The following NOSTRIN variants were observed in gnomAD, a reference collection of about 807,000 sequenced individuals.
The protein encoded by NOSTRIN is nitric oxide synthase trafficking.
In NOSTRIN, 63 loss-of-function variants were observed where a neutral mutation model predicts 59.0. The ratio of observed to expected loss-of-function variants is 1.07; its 90% CI spans 0.87 to 1.32. The LOEUF (loss-of-function observed/expected upper bound fraction) is 1.32. Ranked by LOEUF, NOSTRIN falls within the 40% of genes most tolerant of loss-of-function variation. The probability of loss-of-function intolerance (pLI) is 0.00; values close to 1 mark genes in which losing one functional copy is unlikely to be tolerated. For missense variants in NOSTRIN, 512 were observed against 473.1 expected (o/e 1.08, Z -0.76); for synonymous variants, 200 against 165.4 (o/e 1.21, Z -1.61).
At chr2:168,850,815 C>G (rs751927623) in intron 8 of NOSTRIN, 55 of 778,800 alleles carry the variant, frequency 7.1e-5, no homozygotes, top group African/African-American at 6.3e-4. Flanking sequence ...CTTCTTTTCT[C>G]CCCCTTCCTC....
Position 168,851,138 on chromosome 2 carries a change from C to T in NOSTRIN, c.685C>T (p.Gln229Ter), listed in dbSNP as rs1688741969. 5 of 1,604,212 alleles carry T rather than the reference C, an allele frequency of 3.1e-6. No homozygotes were observed. The highest frequency in any genetic ancestry group is 4.3e-6 in the Non-Finnish European group (5 of 1,170,976). ...RIQLLCNNLN[Q>*]YSQHISLFGQ... ...TCAACTTTTATGCAATAACTTAAAC[C>T]AGTACAGCCAACATATTTCTCTTTT... The change falls in exon 9 of 16, where the codon CAG becomes TAG. Residue 229 changes from glutamine (Q) to a stop codon, truncating the protein, a stop_gained. Transcript: ENST00000317647. LOFTEE classifies it high-confidence loss of function.
chr2:168,786,906 T>G (rs1353796323), intron 1 of NOSTRIN: 2 of 152,154 alleles, frequency 1.3e-5, no homozygotes, highest in Non-Finnish European at 2.9e-5. Flanking sequence ...TTTTTGTATT[T>G]TTAGTAGAGA....
In NOSTRIN at chr2:168,859,622, C is replaced by T; in HGVS notation, c.1164C>T (p.Phe388=). The change falls in exon 13 of 16, where the codon TTC becomes TTT. Residue 388 remains phenylalanine (F), a synonymous_variant. Transcript: ENST00000317647. The part of the protein sequence containing the change: ...QPSHPCSNSI[F]RWREKEHTHS... ...GCCATCCTTGTAGTAATTCCATCTT[C>T]AGGTGGAGGGAAAAGGTAACATTTA... 6.2e-7 allele frequency: 1 copy of T among 1,613,994 alleles called. No individual in the cohort carries two copies.
At chr2:168,798,278 TTGA>T (rs1360289679), upstream of NOSTRIN, 1 of 152,188 alleles carries the variant, frequency 6.6e-6, no homozygotes, top group Non-Finnish European at 1.5e-5. Flanking sequence ...TAGGTCTCAA[TTGA>T]TGATGTTCAT....
chr2:168,788,725 T>G (rs1355952185), intron 2 of NOSTRIN, among the ~76,000 whole-genome samples: 2 of 151,386 alleles, frequency 1.3e-5, no homozygotes, highest in African/African-American at 4.9e-5. Context: ...AAAAGGGAGG[T>G]GTAAATATGG....
At chr2:168,790,101 C>T (rs936854760) in intron 2 of NOSTRIN, among the ~76,000 whole-genome samples, 6 of 152,206 alleles carry the variant, frequency 3.9e-5, no homozygotes, top group Non-Finnish European at 5.9e-5. Flanking sequence ...AGTGCTTTCT[C>T]CAAAGACATC....
chr2:168,791,951 G>A (rs940651409), intron 2 of NOSTRIN, among the ~76,000 whole-genome samples: 1 of 152,100 alleles, frequency 6.6e-6, no homozygotes, highest in Admixed American at 6.6e-5. Flanking sequence ...CACTCTGATG[G>A]TAGTTTCTTT....
intron 1 of NOSTRIN, among the ~76,000 whole-genome samples, chr2:168,805,091 G>A (rs1156991714): frequency 6.6e-6 from 1 of 152,104 alleles, no homozygotes; most frequent in Non-Finnish European, 1.5e-5. Context: ...ACTTAAAAAT[G>A]TTATTCTGAA....
intron 10 of NOSTRIN, among the ~76,000 whole-genome samples, chr2:168,853,205 G>A (rs966111137): frequency 6.6e-6 from 1 of 152,180 alleles, no homozygotes; most frequent in Non-Finnish European, 1.5e-5. Context: ...CAAAATGAGT[G>A]AATAGTATTT....
chr2:168,832,106 C>T (rs371819948), intron 6 of NOSTRIN, among the ~76,000 whole-genome samples: 2 of 151,986 alleles, frequency 1.3e-5, no homozygotes, highest in African/African-American at 2.4e-5. Context: ...AAAGGGGATG[C>T]GTATATCAAT....
chr2:168,818,835 T>TA (rs869116428), intron 2 of NOSTRIN, among the ~76,000 whole-genome samples: 24 of 77,534 alleles, frequency 3.1e-4, no homozygotes, highest in Admixed American at 8.8e-4. Context: ...TTTAGCATAT[T>TA]AAAAAATTTT....
At chr2:168,790,134 C>T (rs1685310573) in intron 2 of NOSTRIN, among the ~76,000 whole-genome samples, 1 of 152,144 alleles carries the variant, frequency 6.6e-6, no homozygotes, top group Admixed American at 6.5e-5. Context: ...GTGTGTTGAA[C>T]CATCATTCAG....
rs188584661 is a variant in NOSTRIN at position 168,854,468 on chromosome 2, C to T, written c.856-884C>T. On this transcript the variant is annotated intron_variant, in intron 10 of 15. Coordinates refer to ENST00000317647, the MANE Select transcript of NOSTRIN (RefSeq NM_001039724.4). ...CTCACTCCAACTCTACCATCCTATT[C>T]TTTTTTATTCAATCCTTGAAATAAT... 9.8e-3 allele frequency among the ~76,000 whole-genome samples: 1,478 copies of T among 150,832 alleles called. 32 individuals carry two copies. Among genetic ancestry groups the T allele is most frequent in the African/African-American group, 0.033 (1,388 of 41,478 alleles).
intron 5 of NOSTRIN, among the ~76,000 whole-genome samples, chr2:168,828,845 A>T (rs1189563952): frequency 4.6e-5 from 7 of 152,046 alleles, no homozygotes; most frequent in Non-Finnish European, 8.8e-5. Flanking sequence ...TTCACAGTAT[A>T]CTGCTAAATA....
intron 5 of NOSTRIN, among the ~76,000 whole-genome samples, chr2:168,828,889 C>T (rs1379801431): frequency 1.3e-5 from 2 of 151,824 alleles, no homozygotes; most frequent in African/African-American, 4.8e-5. Context: ...TATACAATCT[C>T]AACTTTATAA....
chr2:168,850,507 A>G (rs1688695804), intron 8 of NOSTRIN, among the ~76,000 whole-genome samples: 1 of 152,144 alleles, frequency 6.6e-6, no homozygotes, highest in African/African-American at 2.4e-5. Context: ...AATGTACTAT[A>G]AACAATTCTA....
intron 7 of NOSTRIN, among the ~76,000 whole-genome samples, chr2:168,839,064 C>T (rs1199837736): frequency 6.6e-6 from 1 of 152,136 alleles, no homozygotes; most frequent in Non-Finnish European, 1.5e-5. Context: ...GGATTACGGG[C>T]GTGAACCACC....
At chr2:168,814,725 G>T (rs947205632) in intron 2 of NOSTRIN, among the ~76,000 whole-genome samples, 1 of 152,150 alleles carries the variant, frequency 6.6e-6, no homozygotes, top group African/African-American at 2.4e-5. Flanking sequence ...TGAATGAGGG[G>T]TACCTGCCAC....
chr2:168,818,070 T>C (rs1396678787), intron 2 of NOSTRIN: 5 of 162,236 alleles, frequency 3.1e-5, no homozygotes, highest in African/African-American at 9.5e-5. Context: ...TTTGAGGTTA[T>C]TAAAATTCCT....
Sources: gnomAD v4.1 joint callset for allele counts (sites outside exome capture counted in the v4.1 genomes callset) on GRCh38, gnomAD v4.1.1 for gene constraint, MANE v1.5 for transcripts, NCBI Gene and HGNC (gene_info 2026-07-23, HGNC 2026-07-21) for gene names.